Variants in REEP3 observed in about 807,000 individuals in gnomAD.
The protein encoded by REEP3 is receptor accessory protein 3, also known as receptor expression-enhancing protein 3.
REEP3 carries 20 observed loss-of-function variants against 41.3 expected under a neutral mutation model. The observed-to-expected ratio is 0.48, with a 90% CI of 0.34 to 0.70. The LOEUF (loss-of-function observed/expected upper bound fraction) is 0.70, where lower values mean the gene tolerates loss of function less well. Ranked by LOEUF, REEP3 falls within the 30% of genes least tolerant of loss-of-function variation. REEP3 has a pLI of 0.01. For synonymous variants in REEP3, 104 were observed against 101.8 expected (o/e 1.02, Z -0.13); for missense variants, 271 against 308.8 (o/e 0.88, Z 0.92).
intron 1 of REEP3, among the ~76,000 whole-genome samples, chr10:63,553,121 T>C (rs1955644927): frequency 1.3e-5 from 2 of 152,218 alleles, no homozygotes; most frequent in African/African-American, 4.8e-5. Context: ...AACCTTTTTT[T>C]AAAGCCCCGT....
chr10:63,583,478 A>G (rs1475412590), intron 2 of REEP3, among the ~76,000 whole-genome samples: 1 of 152,170 alleles, frequency 6.6e-6, no homozygotes, highest in Non-Finnish European at 1.5e-5. Flanking sequence ...TTCATTTACT[A>G]AGTCAGCCAT....
chr10:63,521,587 T>A lies in REEP3; in HGVS notation c.32+10T>A. 1 of 1,404,500 alleles carries A rather than the reference T, an allele frequency of 7.1e-7. No homozygotes were observed. Among genetic ancestry groups the A allele is most frequent in the Non-Finnish European group, 9.4e-7 (1 of 1,065,056 alleles). The allele number at this position is 1,404,500 out of a possible 1,614,324, so 87.0% of individuals were successfully genotyped here. A position where few individuals can be genotyped will look rare whatever the true frequency, so the allele number is the denominator to read the frequency against. Reference sequence around the variant, plus strand: ...TCTCCAGAGCCGTGGTGTAAGTGCCTCTCACTGCGCCCTGCAGCCGGCGCG... The same window carrying A: ...TCTCCAGAGCCGTGGTGTAAGTGCCACTCACTGCGCCCTGCAGCCGGCGCG... On this transcript the variant is annotated intron_variant, in intron 1 of 7. Coordinates refer to ENST00000373758, the MANE Select transcript of REEP3 (RefSeq NM_001001330.3).
At chr10:63,605,123 C>T (rs567023654) in intron 5 of REEP3, among the ~76,000 whole-genome samples, 13 of 152,204 alleles carry the variant, frequency 8.5e-5, no homozygotes, top group African/African-American at 2.6e-4. Context: ...TGAGAAACTG[C>T]TCTAAAAGTA....
In REEP3 at chr10:63,563,229, T is replaced by C. The variant is rs143520265; in HGVS notation, c.33-3109T>C. On this transcript the variant is annotated intron_variant, in intron 1 of 7. Coordinates refer to ENST00000373758, the MANE Select transcript of REEP3 (RefSeq NM_001001330.3). ...GCAAACTAATACAGTATGCATGCATTTCTGTAAAATTTGTAAATTAAAACA... is the reference window on the plus strand; with the variant it reads ...GCAAACTAATACAGTATGCATGCATCTCTGTAAAATTTGTAAATTAAAACA... 6.8e-3 allele frequency among the ~76,000 whole-genome samples: 1,042 copies of C among 152,290 alleles called. 6 individuals are homozygous for C. Among genetic ancestry groups the C allele is most frequent in the South Asian group, 0.014 (69 of 4,826 alleles).
intron 2 of REEP3, among the ~76,000 whole-genome samples, chr10:63,575,856 C>G (rs1183892837): frequency 6.6e-6 from 1 of 152,172 alleles, no homozygotes; most frequent in African/African-American, 2.4e-5. Context: ...GTCTCAGCCT[C>G]CTGAGTAGCT....
At chr10:63,562,260 T>G (rs1001556513) in intron 1 of REEP3, among the ~76,000 whole-genome samples, 8 of 151,770 alleles carry the variant, frequency 5.3e-5, no homozygotes, top group African/African-American at 1.7e-4. Flanking sequence ...GCAGAGTTTT[T>G]TTTTTTTTTT....
At chr10:63,588,662 A>G (rs562074117) in intron 2 of REEP3, among the ~76,000 whole-genome samples, 2 of 152,338 alleles carry the variant, frequency 1.3e-5, no homozygotes, top group African/African-American at 4.8e-5. Context: ...CTTTGTCATC[A>G]TGGGGTTTAC....
At chr10:63,521,829 C>T (rs113973333) in intron 1 of REEP3, 54 of 147,110 alleles carry the variant, frequency 3.7e-4, no homozygotes, top group African/African-American at 3.2e-3. Flanking sequence ...TGTGGCGCTG[C>T]TCGGCTGCGT....
chr10:63,574,275 C>T (rs1376422189), intron 2 of REEP3, among the ~76,000 whole-genome samples: 2 of 152,282 alleles, frequency 1.3e-5, no homozygotes, highest in South Asian at 2.1e-4. Context: ...CTTATAGCTT[C>T]CCAGAATCAT....
intron 2 of REEP3, among the ~76,000 whole-genome samples, chr10:63,577,960 T>C (rs754872468): frequency 1.3e-5 from 2 of 152,182 alleles, no homozygotes; most frequent in Non-Finnish European, 2.9e-5. Context: ...ACTTTACTGT[T>C]GTTTTAATAT....
intron 4 of REEP3, among the ~76,000 whole-genome samples, chr10:63,598,557 G>A (rs1204579880): frequency 6.6e-6 from 1 of 151,546 alleles, no homozygotes; most frequent in Non-Finnish European, 1.5e-5. Context: ...CGCCGAGGTG[G>A]GTAGATCACT....
At chr10:63,555,701 C>T (rs1008787367) in intron 1 of REEP3, among the ~76,000 whole-genome samples, 3 of 152,158 alleles carry the variant, frequency 2.0e-5, no homozygotes, top group Non-Finnish European at 2.9e-5. Flanking sequence ...TCCAGTTAAC[C>T]AACGTACTGT....
At chr10:63,592,834 A>T (rs973228743) in intron 2 of REEP3, among the ~76,000 whole-genome samples, 2 of 152,168 alleles carry the variant, frequency 1.3e-5, no homozygotes, top group Admixed American at 1.3e-4. Flanking sequence ...TGGAAGTTGC[A>T]GTAAGCCGAG....
At chr10:63,573,906 T>C (rs1420320575) in intron 2 of REEP3, among the ~76,000 whole-genome samples, 4 of 152,200 alleles carry the variant, frequency 2.6e-5, no homozygotes, top group African/African-American at 9.6e-5. Context: ...TATGATGGGA[T>C]TTTTACTGAA....
At chr10:63,565,891 T>TTA (rs1196680935) in intron 1 of REEP3, among the ~76,000 whole-genome samples, 1 of 151,082 alleles carries the variant, frequency 6.6e-6, no homozygotes, top group Non-Finnish European at 1.5e-5. Flanking sequence ...ATCATCTTTT[T>TTA]TTTTTTTTTT....
chr10:63,610,096 T>C (rs1223673399), intron 5 of REEP3, 91 bp from the exon 6 acceptor site: 1 of 1,142,060 alleles, frequency 8.8e-7, no homozygotes, highest in African/African-American at 1.6e-5. Context: ...TTTCAGCTTT[T>C]CTGAAGTTAT....
chr10:63,578,398 G>T (rs969440617), intron 2 of REEP3, among the ~76,000 whole-genome samples: 2 of 152,006 alleles, frequency 1.3e-5, no homozygotes, highest in African/African-American at 4.8e-5. Context: ...GCGCCCACCC[G>T]ATTTACTCTA....
chr10:63,564,137 TA>T (rs1353251597), intron 1 of REEP3, among the ~76,000 whole-genome samples: 3 of 152,150 alleles, frequency 2.0e-5, no homozygotes, highest in Admixed American at 2.0e-4. Context: ...CATGCCAATA[TA>T]AGATGTTAAT....
chr10:63,534,047 G>A (rs1955451964), intron 1 of REEP3, among the ~76,000 whole-genome samples: 1 of 151,932 alleles, frequency 6.6e-6, no homozygotes. Context: ...AAATATTAAG[G>A]TGTGAAATAA....
Sources: allele counts gnomAD v4.1 joint callset (sites outside exome capture counted in the v4.1 genomes callset), GRCh38; gene constraint gnomAD v4.1.1; transcripts MANE v1.5; gene names NCBI Gene and HGNC (gene_info 2026-07-23, HGNC 2026-07-21).